ASPRV1: variants seen among roughly 807,000 people sequenced by gnomAD.
ASPRV1 encodes retroviral-like aspartic protease 1.
ASPRV1 carries 7 observed loss-of-function variants against 11.0 expected under a neutral mutation model. That is an observed-to-expected ratio of 0.64 (90% CI 0.36 to 1.20). The LOEUF is 1.20. ASPRV1 is among the 50% of genes most tolerant of loss of function. The pLI, the probability that ASPRV1 is intolerant of heterozygous loss-of-function variation, is 0.02. For synonymous variants in ASPRV1, 136 were observed against 138.4 expected, an observed-to-expected ratio of 0.98 and a Z score of 0.12; for missense variants, 299 against 320.0, an observed-to-expected ratio of 0.93 and a Z score of 0.50.
chr2:70,025,887 G>T, the ASPRV1 span, among the ~76,000 whole-genome samples: 2 of 152,168 alleles, frequency 1.3e-5, no homozygotes, highest in African/African-American at 4.8e-5. Context: ...ATTAAAATAT[G>T]GACCATACCA....
chr2:69,998,822 A>G, the ASPRV1 span, among the ~76,000 whole-genome samples: 2 of 152,212 alleles, frequency 1.3e-5, no homozygotes, highest in Admixed American at 6.5e-5. Context: ...AAATGCTCGA[A>G]AGAAACCAGG....
At chr2:70,071,094 A>T in the ASPRV1 span, among the ~76,000 whole-genome samples, 1 of 152,192 alleles carries the variant, frequency 6.6e-6, no homozygotes, top group Non-Finnish European at 1.5e-5. Context: ...CGTATGCAGC[A>T]GGGCAGCAGC....
At chr2:69,988,987 C>CT in the ASPRV1 span, 377 of 324,482 alleles carry the variant, frequency 1.2e-3, no homozygotes, top group East Asian at 3.6e-3. Context: ...CTAAAGAACA[C>CT]TTTTTTTTTC....
the ASPRV1 span, among the ~76,000 whole-genome samples, chr2:69,952,152 G>A: frequency 1.3e-5 from 2 of 152,142 alleles, no homozygotes; most frequent in African/African-American, 2.4e-5. Flanking sequence ...ACAACACTGG[G>A]CAAATTAACC....
At chr2:70,065,213 CCTGG>C in the ASPRV1 span, among the ~76,000 whole-genome samples, 1 of 151,454 alleles carries the variant, frequency 6.6e-6, no homozygotes. Context: ...TCGAGATCAT[CCTGG>C]CTAACACGGT....
chr2:69,946,057 G>A, the ASPRV1 span, among the ~76,000 whole-genome samples: 1 of 152,200 alleles, frequency 6.6e-6, no homozygotes, highest in East Asian at 1.9e-4. Flanking sequence ...GCCGGGCTGG[G>A]TGACACCTGG....
At position 69,960,596 on chromosome 2, in the gene ASPRV1, C is replaced by CT. The variant is rs1553382380; in HGVS notation, c.*60_*61insA. On this transcript the variant is annotated 3_prime_UTR_variant, in exon 1 of 1. Coordinates refer to ENST00000320256, the MANE Select transcript of ASPRV1 (RefSeq NM_152792.4). The stretch of plus-strand genomic sequence containing the variant: ...CAGTGACCCCCATGAGGATATGCAA[C>CT]CCCCCCCACAGCGGTGGGTCTTCCC... 36 of 1,475,276 alleles carry CT rather than the reference C, an allele frequency of 2.4e-5. No individual in the cohort carries two copies. The highest frequency in any genetic ancestry group is 2.8e-5 in the Non-Finnish European group (31 of 1,093,614). 91.4% of individuals were successfully genotyped at this position (1,475,276 alleles called of 1,614,324 possible).
chr2:70,061,403 A>C, the ASPRV1 span, among the ~76,000 whole-genome samples: 6 of 151,726 alleles, frequency 4.0e-5, no homozygotes, highest in Admixed American at 1.3e-4. Flanking sequence ...TCAAAAAAAA[A>C]AAAAAACAAA....
chr2:69,953,305 G>C, the ASPRV1 span, among the ~76,000 whole-genome samples: 2 of 152,330 alleles, frequency 1.3e-5, no homozygotes, highest in Non-Finnish European at 2.9e-5. Context: ...ATGGACAGTG[G>C]TCAGTCCTGG....
At chr2:70,072,726 A>C in the ASPRV1 span, among the ~76,000 whole-genome samples, 1 of 151,794 alleles carries the variant, frequency 6.6e-6, no homozygotes, top group South Asian at 2.1e-4. Flanking sequence ...CGTCTCAAAA[A>C]TAAAATGAAA....
chr2:70,029,267 A>G, the ASPRV1 span, among the ~76,000 whole-genome samples: 1 of 152,188 alleles, frequency 6.6e-6, no homozygotes, highest in South Asian at 2.1e-4. Flanking sequence ...TGCTAAAGAC[A>G]TATAAGTGAC....
the ASPRV1 span, chr2:70,003,261 C>G: frequency 6.6e-6 from 1 of 152,190 alleles, no homozygotes; most frequent in Admixed American, 6.6e-5. Context: ...CCCAGACTTC[C>G]ATCATGGGGA....
chr2:69,994,022 G>A, the ASPRV1 span: 2 of 152,246 alleles, frequency 1.3e-5, no homozygotes, highest in African/African-American at 4.8e-5. Context: ...AGCTATTTCT[G>A]AGGGTCTTCT....
the ASPRV1 span, among the ~76,000 whole-genome samples, chr2:69,937,829 G>A: frequency 6.6e-6 from 1 of 152,168 alleles, no homozygotes; most frequent in Non-Finnish European, 1.5e-5. Flanking sequence ...GGCCAGGCTG[G>A]TCTCGAACTC....
At chr2:69,955,709 C>T (rs1023948573), downstream of ASPRV1, among the ~76,000 whole-genome samples, 32 of 152,128 alleles carry the variant, frequency 2.1e-4, no homozygotes, top group African/African-American at 7.2e-4. Flanking sequence ...TGTGCCACCT[C>T]GCACCTTGCT....
the ASPRV1 span, chr2:69,988,371 G>A: frequency 1.2e-5 from 2 of 163,032 alleles, no homozygotes; most frequent in South Asian, 1.6e-4. Flanking sequence ...GCTACAACAT[G>A]GATGAATCTT....
chr2:70,070,179 C>CAAAAA, the ASPRV1 span: 20 of 47,106 alleles, frequency 4.2e-4, no homozygotes, highest in South Asian at 9.7e-4. Flanking sequence ...GACTCCATCT[C>CAAAAA]AAAAAAAAAA....
chr2:70,016,674 T>C, the ASPRV1 span, among the ~76,000 whole-genome samples: 1 of 151,978 alleles, frequency 6.6e-6, no homozygotes, highest in Non-Finnish European at 1.5e-5. Flanking sequence ...TGAAGACCCA[T>C]CTCTACTGAA....
chr2:70,022,983 T>TC, the ASPRV1 span, among the ~76,000 whole-genome samples: 11 of 152,060 alleles, frequency 7.2e-5, no homozygotes, highest in Non-Finnish European at 1.6e-4. Flanking sequence ...CACCTTCCCC[T>TC]CCCATGCTTC....
Sources: allele counts gnomAD v4.1 joint callset (sites outside exome capture counted in the v4.1 genomes callset), GRCh38; gene constraint gnomAD v4.1.1; transcripts MANE v1.5; gene names NCBI Gene and HGNC (gene_info 2026-07-23, HGNC 2026-07-21).